Variants in ERBB4 observed in about 807,000 individuals in gnomAD.
The protein encoded by ERBB4 is erb-b2 receptor tyrosine kinase 4.
Under a neutral mutation model 158.0 loss-of-function variants are expected in ERBB4, and 42 were observed. The observed-to-expected ratio is 0.27, with a 90% CI of 0.21 to 0.34. ERBB4 has a LOEUF of 0.34. ERBB4 is among the 10% of genes least tolerant of loss of function. ERBB4 has a pLI of 1.00. For missense variants in ERBB4, 1,333 were observed against 1,624.1 expected, an observed-to-expected ratio of 0.82 and a Z score of 3.08; for synonymous variants, 583 against 558.7, an observed-to-expected ratio of 1.04 and a Z score of -0.61.
chr2:211,969,831 CA>C (rs887431453), intron 2 of ERBB4, among the ~76,000 whole-genome samples: 1 of 151,206 alleles, frequency 6.6e-6, no homozygotes, highest in Admixed American at 6.6e-5. Context: ...TAATTTTTTT[CA>C]AAAAAACAGC....
At chr2:211,841,860 A>T (rs1181281020) in intron 3 of ERBB4, among the ~76,000 whole-genome samples, 1 of 152,106 alleles carries the variant, frequency 6.6e-6, no homozygotes, top group Admixed American at 6.6e-5. Context: ...GCACAGTGGG[A>T]ACTTGTAGCC....
chr2:212,080,731 T>G lies in ERBB4; in HGVS notation c.234+44021A>C, dbSNP rs182321589. ...TCAAAATTTATCTGGAAGATTACAT[T>G]TCAAGCTTTTTAGAAATTGCTTTCA... On this transcript the variant is annotated intron_variant, in intron 2 of 27. Coordinates refer to ENST00000342788, the MANE Select transcript of ERBB4 (RefSeq NM_005235.3). Among the ~76,000 whole-genome samples, 48 of 152,144 alleles carry G rather than the reference T, an allele frequency of 3.2e-4. No individual in the cohort carries two copies. In the East Asian group the frequency reaches 4.6e-3, roughly 15 times the overall value.
At chr2:212,508,363 T>A (rs1195632499) in intron 1 of ERBB4, among the ~76,000 whole-genome samples, 4 of 152,130 alleles carry the variant, frequency 2.6e-5, no homozygotes, top group African/African-American at 4.8e-5. Context: ...TTTAAACTGA[T>A]CAAACTGACC....
In ERBB4 at chr2:212,049,883, C is replaced by G. The variant is rs148389053; in HGVS notation, c.234+74869G>C. 3.2e-3 allele frequency among the ~76,000 whole-genome samples: 483 copies of G among 152,248 alleles called. 3 individuals carry two copies. Among genetic ancestry groups the G allele is most frequent in the Non-Finnish European group, 4.5e-3 (304 of 68,006 alleles). ...TTAGAACAGTGGGATATGCTATGTA[C>G]TACTTTCCAAGTCTGCACTTCACAT... On this transcript the variant is annotated intron_variant, in intron 2 of 27. Coordinates refer to ENST00000342788, the MANE Select transcript of ERBB4 (RefSeq NM_005235.3).
intron 3 of ERBB4, among the ~76,000 whole-genome samples, chr2:211,837,025 T>C (rs944224478): frequency 6.6e-6 from 1 of 152,070 alleles, no homozygotes; most frequent in African/African-American, 2.4e-5. Context: ...TAAGCAACTT[T>C]TAAAACTTCT....
intron 1 of ERBB4, among the ~76,000 whole-genome samples, chr2:212,162,030 T>G (rs2081216805): frequency 6.6e-6 from 1 of 151,840 alleles, no homozygotes; most frequent in South Asian, 2.1e-4. Flanking sequence ...AATAGTCTAC[T>G]AATTTCACAT....
At chr2:211,950,421 C>T (rs550407495) in intron 2 of ERBB4, among the ~76,000 whole-genome samples, 1 of 152,248 alleles carries the variant, frequency 6.6e-6, no homozygotes, top group South Asian at 2.1e-4. Flanking sequence ...TTCCTGAGGA[C>T]TCCAAAAGTT....
At chr2:211,934,941 A>AAAAAAAAAAAAAAAAAT (rs1575401060) in intron 3 of ERBB4, among the ~76,000 whole-genome samples, 2 of 150,222 alleles carry the variant, frequency 1.3e-5, no homozygotes, top group Non-Finnish European at 3.0e-5. Context: ...AAAAAAAAAA[A>AAAAAAAAAAAAAAAAAT]CTGCCTTGAA....
chr2:211,528,511 T>C (rs1194499209), intron 20 of ERBB4, among the ~76,000 whole-genome samples: 2 of 152,034 alleles, frequency 1.3e-5, no homozygotes, highest in East Asian at 3.8e-4. Flanking sequence ...CAAATGGACC[T>C]AATAGATATT....
intron 16 of ERBB4, among the ~76,000 whole-genome samples, chr2:211,652,727 A>T (rs2071039816): frequency 6.6e-6 from 1 of 152,034 alleles, no homozygotes; most frequent in Non-Finnish European, 1.5e-5. Context: ...AACTGAGTCA[A>T]ATTACTTTAC....
intron 3 of ERBB4, among the ~76,000 whole-genome samples, chr2:211,937,094 G>A (rs1175046944): frequency 1.3e-5 from 2 of 151,988 alleles, no homozygotes; most frequent in Non-Finnish European, 2.9e-5. Context: ...ATACAGTTTT[G>A]GATCTAATAT....
intron 20 of ERBB4, among the ~76,000 whole-genome samples, chr2:211,433,587 A>AT (rs1219202429): frequency 9.4e-5 from 14 of 149,108 alleles, no homozygotes; most frequent in African/African-American, 1.8e-4. Context: ...AAAAAAAAAT[A>AT]AAATAAAATA....
intron 3 of ERBB4, among the ~76,000 whole-genome samples, chr2:211,835,279 G>T (rs543859202): frequency 3.3e-4 from 49 of 150,098 alleles, no homozygotes; most frequent in African/African-American, 1.1e-3. Context: ...AAATAATCCA[G>T]ATGAATATTT....
chr2:211,722,680 A>C (rs2074142080), intron 6 of ERBB4, 146 bp from the exon 7 acceptor site: 1 of 860,766 alleles, frequency 1.2e-6, no homozygotes, highest in African/African-American at 1.7e-5. Flanking sequence ...GTGTGTTTCC[A>C]AAATTTCATA....
chr2:212,386,570 C>CT (rs1180876181), intron 1 of ERBB4, among the ~76,000 whole-genome samples: 1 of 136,154 alleles, frequency 7.3e-6, no homozygotes, highest in African/African-American at 2.7e-5. Context: ...TCCTTTCTTT[C>CT]TTAAAAAAAA....
intron 1 of ERBB4, among the ~76,000 whole-genome samples, chr2:212,456,456 A>T (rs1688292570): frequency 6.6e-6 from 1 of 151,956 alleles, no homozygotes; most frequent in Non-Finnish European, 1.5e-5. Context: ...GTAAGAGATG[A>T]TTAATTATTA....
chr2:212,126,485 A>G (rs1305937975), intron 1 of ERBB4, among the ~76,000 whole-genome samples: 1 of 131,928 alleles, frequency 7.6e-6, no homozygotes, highest in Non-Finnish European at 1.6e-5. Flanking sequence ...AAAAAAAAAA[A>G]TTGTGTGTGA....
intron 3 of ERBB4, among the ~76,000 whole-genome samples, chr2:211,827,942 C>A (rs1339649310): frequency 6.6e-6 from 1 of 152,164 alleles, no homozygotes; most frequent in Non-Finnish European, 1.5e-5. Context: ...AGCCCCCTCA[C>A]TTTACAGGTG....
At chr2:212,386,378 A>T (rs905657149) in intron 1 of ERBB4, among the ~76,000 whole-genome samples, 5 of 151,888 alleles carry the variant, frequency 3.3e-5, no homozygotes, top group Admixed American at 6.6e-5. Context: ...TTGGGTGGGG[A>T]ATGGCACAAT....
Sources: allele counts gnomAD v4.1 joint callset (sites outside exome capture counted in the v4.1 genomes callset), GRCh38; gene constraint gnomAD v4.1.1; transcripts MANE v1.5; gene names NCBI Gene and HGNC (gene_info 2026-07-23, HGNC 2026-07-21).